Variants in ACOT7 observed in about 807,000 individuals in gnomAD.
ACOT7 encodes the protein cytosolic acyl coenzyme A thioester hydrolase.
A neutral mutation model predicts 40.2 loss-of-function variants in ACOT7; 12 were observed. That is an observed-to-expected ratio of 0.30 (90% CI 0.19 to 0.48). The LOEUF is 0.48. Among genes scored for constraint, ACOT7 ranks in the 20% least tolerant of loss-of-function variants. ACOT7 has a pLI of 0.99. For missense variants in ACOT7, 395 were observed against 530.8 expected, an observed-to-expected ratio of 0.74 and a Z score of 2.51; for synonymous variants, 228 against 219.5, an observed-to-expected ratio of 1.04 and a Z score of -0.34.
chr1:6,315,750 GTCTA>G, intron 6 of ACOT7, among the ~76,000 whole-genome samples: 1 of 72,830 alleles, frequency 1.4e-5, no homozygotes. Context: ...GTGAGACTCT[GTCTA>G]AAAAAAAAAA....
chr1:6,325,111 T>C (rs1266240963), intron 5 of ACOT7, among the ~76,000 whole-genome samples: 3 of 152,244 alleles, frequency 2.0e-5, no homozygotes, highest in South Asian at 4.1e-4. Context: ...TTTTAAAAGA[T>C]ATCTCAGCCG....
rs183903529 is a variant in ACOT7 at position 6,352,602 on chromosome 1, T to C, written c.144-2736A>G. On this transcript the variant is annotated intron_variant, in intron 1 of 8. Coordinates refer to ENST00000361521, the MANE Select transcript of ACOT7 (RefSeq NM_007274.4). The surrounding 1 kb of genome is among the most constrained non-coding windows in gnomAD (Gnocchi z 4.5). ...ACTTCGTTTTCCCATTTCTTTTTTTTTTTTTTTGAGACGGCGTCTCGCTCT... is the reference window on the plus strand; with the variant it reads ...ACTTCGTTTTCCCATTTCTTTTTTTCTTTTTTTGAGACGGCGTCTCGCTCT... Among the ~76,000 whole-genome samples, 155 of 151,966 alleles carry C rather than the reference T, an allele frequency of 1.0e-3. No homozygotes were observed. Among genetic ancestry groups the C allele is most frequent in the South Asian group, 3.1e-3 (15 of 4,822 alleles).
chr1:6,290,174 G>A (rs1480490151), intron 7 of ACOT7, among the ~76,000 whole-genome samples: 2 of 152,240 alleles, frequency 1.3e-5, no homozygotes, highest in African/African-American at 2.4e-5. Flanking sequence ...CGCTGGGAAA[G>A]GCGAGACATG....
In ACOT7 at chr1:6,345,883, G is replaced by A. The variant is rs543477855; in HGVS notation, c.261+3866C>T. Among the ~76,000 whole-genome samples the A allele has an allele frequency of 1.4e-4, 22 of 152,316 alleles. 1 individual carries two copies. The South Asian group carries it at 3.3e-3, about 23-fold the overall frequency. ...GCGGGCTCATCGTAAGCGCTTACTC[G>A]GTGGACGCTCTCCATGACGGTTGAC... On this transcript the variant is annotated intron_variant, in intron 2 of 8. Coordinates refer to ENST00000361521, the MANE Select transcript of ACOT7 (RefSeq NM_007274.4).
At position 6,346,454 on chromosome 1, in the gene ACOT7, A is replaced by G. The variant is rs577308360; in HGVS notation, c.261+3295T>C. 7.1e-4 allele frequency among the ~76,000 whole-genome samples: 108 copies of G among 152,318 alleles called. 1 individual carries two copies. The South Asian group carries it at 0.012, about 17-fold the overall frequency. On this transcript the variant is annotated intron_variant, in intron 2 of 8. Coordinates refer to ENST00000361521, the MANE Select transcript of ACOT7 (RefSeq NM_007274.4). ...CTGGGGAAAGCCAGTGCAAAGGCCCAAGGCAGGAATGCACCCAGCAAGTCC... is the reference window on the plus strand; with the variant it reads ...CTGGGGAAAGCCAGTGCAAAGGCCCGAGGCAGGAATGCACCCAGCAAGTCC...
Position 6,352,123 on chromosome 1 carries a change from C to T in ACOT7, c.144-2257G>A, listed in dbSNP as rs1433286657. ...GACCACCCAGGAAGCCAGCCCCTGC[C>T]CTCAAGGTCAGACACAACCCTCTCC... On this transcript the variant is annotated intron_variant, in intron 1 of 8. Coordinates refer to ENST00000361521, the MANE Select transcript of ACOT7 (RefSeq NM_007274.4). The surrounding 1 kb of genome is among the most constrained non-coding windows in gnomAD (Gnocchi z 4.5). 3 of 152,684 alleles carry T rather than the reference C, an allele frequency of 2.0e-5. No homozygotes were observed. Among genetic ancestry groups the T allele is most frequent in the Non-Finnish European group, 4.4e-5 (3 of 68,408 alleles). The allele number at this position is 152,684 out of a possible 1,614,324, so 9.5% of individuals were successfully genotyped here. A position where few individuals can be genotyped will look rare whatever the true frequency, so the allele number is the denominator to read the frequency against.
At chr1:6,323,095 A>G (rs1167771514) in intron 5 of ACOT7, among the ~76,000 whole-genome samples, 1 of 152,004 alleles carries the variant, frequency 6.6e-6, no homozygotes, top group African/African-American at 2.4e-5. Context: ...ATGCTGTTGC[A>G]CTCCAACCTG....
intron 1 of ACOT7, among the ~76,000 whole-genome samples, chr1:6,379,586 C>T (rs112445946): frequency 6.6e-6 from 1 of 151,810 alleles, no homozygotes; most frequent in Non-Finnish European, 1.5e-5. Context: ...ACCTCAGCCT[C>T]CCAAGTAGCT....
chr1:6,322,110 C>T (rs1640661841), intron 5 of ACOT7, among the ~76,000 whole-genome samples: 2 of 152,168 alleles, frequency 1.3e-5, no homozygotes, highest in Non-Finnish European at 2.9e-5. Flanking sequence ...TGCAGGATGT[C>T]GGGGCCCCCA....
chr1:6,357,152 G>A (rs1355195184), intron 1 of ACOT7, among the ~76,000 whole-genome samples: 2 of 151,800 alleles, frequency 1.3e-5, no homozygotes, highest in Non-Finnish European at 2.9e-5. Flanking sequence ...CAGGAGAATC[G>A]CTTAAACCCA....
intron 6 of ACOT7, among the ~76,000 whole-genome samples, chr1:6,297,751 T>C (rs1392286346): frequency 6.6e-6 from 1 of 152,158 alleles, no homozygotes; most frequent in Non-Finnish European, 1.5e-5. Flanking sequence ...AGGTAGGAAG[T>C]TATCTTTTAG....
intron 4 of ACOT7, among the ~76,000 whole-genome samples, chr1:6,331,594 A>C (rs1640956719): frequency 6.6e-6 from 1 of 152,190 alleles, no homozygotes; most frequent in South Asian, 2.1e-4. Flanking sequence ...GTCAGGTGGG[A>C]ATATGAGACC....
intron 1 of ACOT7, among the ~76,000 whole-genome samples, chr1:6,356,238 A>G (rs3789467): frequency 0.18 from 27,932 of 152,050 alleles, 5,415 homozygotes; most frequent in African/African-American, 0.49. Context: ...CTTCGGGAGC[A>G]TGGCCCTGCC....
At chr1:6,270,739 C>G (rs538849662) in intron 8 of ACOT7, among the ~76,000 whole-genome samples, 2 of 152,264 alleles carry the variant, frequency 1.3e-5, no homozygotes, top group Admixed American at 6.5e-5. Flanking sequence ...CATGTGTCTG[C>G]GGTCCCTGGT....
At chr1:6,385,576 G>T in intron 1 of ACOT7, 1 of 1,612,090 alleles carries the variant, frequency 6.2e-7, no homozygotes, top group Non-Finnish European at 8.5e-7. Flanking sequence ...CCTCGCCGGG[G>T]CCCCACACAT....
In ACOT7 at chr1:6,305,103, C is replaced by T. The variant is rs1322543198; in HGVS notation, c.713-10123G>A. 5.0e-5 allele frequency among the ~76,000 whole-genome samples: 6 copies of T among 119,242 alleles called. No individual in the cohort carries two copies. The East Asian group carries it at 8.1e-4, about 16-fold the overall frequency. 78.2% of individuals were successfully genotyped at this position (119,242 alleles called of 152,430 possible). On this transcript the variant is annotated intron_variant, in intron 6 of 8. Coordinates refer to ENST00000361521, the MANE Select transcript of ACOT7 (RefSeq NM_007274.4). ...CCCCCCACATCCCTCCCGGATGGGG[C>T]GGCTGGCCGGGCAGAGGGGCTCCTC...
intron 8 of ACOT7, among the ~76,000 whole-genome samples, chr1:6,265,324 G>A (rs1317160872): frequency 2.6e-5 from 4 of 152,250 alleles, no homozygotes; most frequent in Middle Eastern, 3.4e-3. Context: ...AGCTGCACAC[G>A]GCCATTGCCC....
intron 2 of ACOT7, among the ~76,000 whole-genome samples, chr1:6,342,400 CT>C (rs1318590238): frequency 6.6e-6 from 1 of 152,194 alleles, no homozygotes; most frequent in Non-Finnish European, 1.5e-5. Context: ...GTGGCTGTGT[CT>C]GAAAGACTTC....
chr1:6,365,782 A>G (rs1641997761), intron 1 of ACOT7, among the ~76,000 whole-genome samples: 1 of 143,878 alleles, frequency 7.0e-6, no homozygotes, highest in South Asian at 2.2e-4. Context: ...AAAAAAAAAA[A>G]ATTTATTGCT....
Sources: gnomAD v4.1 joint callset for allele counts (sites outside exome capture counted in the v4.1 genomes callset) on GRCh38, gnomAD v4.1.1 for gene constraint, Gnocchi (gnomAD v3.1) non-coding constraint, MANE v1.5 for transcripts, NCBI Gene and HGNC (gene_info 2026-07-23, HGNC 2026-07-21) for gene names.